Variants in RIT2 observed in about 807,000 individuals in gnomAD.
RIT2 encodes the protein Ras like without CAAX 2.
Under a neutral mutation model 23.7 loss-of-function variants are expected in RIT2, and 24 were observed. That is an observed-to-expected ratio of 1.01 (90% confidence interval 0.73 to 1.43). The LOEUF is 1.43. Ranked by LOEUF, RIT2 falls within the 40% of genes most tolerant of loss-of-function variation. The probability of loss-of-function intolerance (pLI) is 0.00; values close to 1 mark genes in which losing one functional copy is unlikely to be tolerated. For synonymous variants in RIT2, 107 were observed against 91.1 expected, an observed-to-expected ratio of 1.17 and a Z score of -0.99; for missense variants, 236 against 266.9, an observed-to-expected ratio of 0.88 and a Z score of 0.81.
At chr18:43,097,864 C>T (rs971856778) in intron 1 of RIT2, among the ~76,000 whole-genome samples, 3 of 151,850 alleles carry the variant, frequency 2.0e-5, no homozygotes, top group Non-Finnish European at 4.4e-5. Context: ...GGAAGACCAT[C>T]CATCACTTTC....
chr18:42,939,161 C>T (rs1218861944), intron 3 of RIT2, among the ~76,000 whole-genome samples: 2 of 152,108 alleles, frequency 1.3e-5, no homozygotes, highest in East Asian at 3.8e-4. Context: ...AAAATGAAAA[C>T]TGTCAAAAAA....
intron 4 of RIT2, among the ~76,000 whole-genome samples, chr18:42,845,155 G>T (rs1328017358): frequency 6.6e-6 from 1 of 151,908 alleles, no homozygotes; most frequent in Non-Finnish European, 1.5e-5. Flanking sequence ...GTAGTAATTG[G>T]CATATTGAAG....
chr18:42,766,856 A>T (rs1913434355), intron 4 of RIT2, among the ~76,000 whole-genome samples: 2 of 152,186 alleles, frequency 1.3e-5, no homozygotes, highest in African/African-American at 2.4e-5. Flanking sequence ...GGGCCAACTT[A>T]GATTTTGGCC....
chr18:42,849,830 G>A (rs1242605075), intron 4 of RIT2, among the ~76,000 whole-genome samples: 1 of 152,030 alleles, frequency 6.6e-6, no homozygotes, highest in African/African-American at 2.4e-5. Context: ...AAAACCCTAG[G>A]GAGCTGTGCT....
At chr18:42,878,740 T>C (rs1907810657) in intron 4 of RIT2, among the ~76,000 whole-genome samples, 1 of 152,078 alleles carries the variant, frequency 6.6e-6, no homozygotes, top group Non-Finnish European at 1.5e-5. Flanking sequence ...CTACAAACCA[T>C]ACTTACATTG....
At chr18:42,942,768 T>C (rs1367436756) in intron 3 of RIT2, among the ~76,000 whole-genome samples, 2 of 152,038 alleles carry the variant, frequency 1.3e-5, no homozygotes, top group African/African-American at 4.8e-5. Context: ...GCTGTCAGGA[T>C]AGGAAAAGGA....
At chr18:42,766,895 C>T (rs954551613) in intron 4 of RIT2, among the ~76,000 whole-genome samples, 2 of 152,206 alleles carry the variant, frequency 1.3e-5, no homozygotes, top group Non-Finnish European at 2.9e-5. Context: ...AAGCCCTGGG[C>T]TTTTGCAGGC....
intron 1 of RIT2, among the ~76,000 whole-genome samples, chr18:43,107,885 C>T (rs1913862019): frequency 1.3e-5 from 2 of 151,866 alleles, no homozygotes; most frequent in Non-Finnish European, 1.5e-5. Context: ...AAAATGTGGC[C>T]GGGTGCAGTG....
chr18:42,878,003 A>T (rs1907788814), intron 4 of RIT2, among the ~76,000 whole-genome samples: 2 of 151,806 alleles, frequency 1.3e-5, no homozygotes, highest in South Asian at 4.1e-4. Flanking sequence ...CAAATTTTTC[A>T]AATTTCAAAA....
At chr18:43,098,584 G>T (rs1186882495) in intron 1 of RIT2, among the ~76,000 whole-genome samples, 1 of 151,900 alleles carries the variant, frequency 6.6e-6, no homozygotes, top group Non-Finnish European at 1.5e-5. Context: ...AGGGTTTTTT[G>T]TAACGACATA....
chr18:42,780,261 G>T (rs927744332), intron 4 of RIT2, among the ~76,000 whole-genome samples: 1 of 151,852 alleles, frequency 6.6e-6, no homozygotes. Context: ...TGGAAGCAGG[G>T]GGTTTCCAGC....
At chr18:42,893,225 CAAAAAAA>C (rs57140473) in intron 4 of RIT2, among the ~76,000 whole-genome samples, 1 of 112,316 alleles carries the variant, frequency 8.9e-6, no homozygotes. Flanking sequence ...GACTCCGTCT[CAAAAAAA>C]AAAAAAAAAA....
At chr18:43,011,555 A>G (rs1330206400) in intron 2 of RIT2, among the ~76,000 whole-genome samples, 1 of 151,824 alleles carries the variant, frequency 6.6e-6, no homozygotes, top group African/African-American at 2.4e-5. Flanking sequence ...AAATTATTAA[A>G]TTCTTAAAAT....
At chr18:43,098,629 C>T (rs370142833) in intron 1 of RIT2, among the ~76,000 whole-genome samples, 179 of 152,030 alleles carry the variant, frequency 1.2e-3, no homozygotes, top group Non-Finnish European at 1.2e-3. Flanking sequence ...ATAACAACCA[C>T]GACAACAATA....
intron 2 of RIT2, among the ~76,000 whole-genome samples, chr18:43,023,113 C>T (rs959535817): frequency 6.6e-6 from 1 of 152,020 alleles, no homozygotes; most frequent in African/African-American, 2.4e-5. Flanking sequence ...CAATACCAAA[C>T]AGGCAAGTCA....
chr18:43,031,806 A>G (rs781230393), intron 2 of RIT2, among the ~76,000 whole-genome samples: 44 of 152,208 alleles, frequency 2.9e-4, no homozygotes, highest in Non-Finnish European at 5.3e-4. Flanking sequence ...GGATTGAAAA[A>G]TATTTATTTC....
chr18:42,946,208 A>G (rs529766656), intron 3 of RIT2, among the ~76,000 whole-genome samples: 1 of 152,220 alleles, frequency 6.6e-6, no homozygotes, highest in African/African-American at 2.4e-5. Context: ...AAAAAGTTGC[A>G]CTTGTAATAA....
At chr18:43,108,404 G>A (rs1913879009) in intron 1 of RIT2, among the ~76,000 whole-genome samples, 1 of 151,956 alleles carries the variant, frequency 6.6e-6, no homozygotes. Context: ...AACGCAGACA[G>A]TAAAGCCTTC....
At chr18:42,916,837 A>C (rs1055883165) in intron 4 of RIT2, among the ~76,000 whole-genome samples, 1 of 152,128 alleles carries the variant, frequency 6.6e-6, no homozygotes, top group Admixed American at 6.6e-5. Context: ...GAAGCGCAAG[A>C]TGTTTATTAG....
Sources: allele counts gnomAD v4.1 joint callset (sites outside exome capture counted in the v4.1 genomes callset), GRCh38; gene constraint gnomAD v4.1.1; transcripts MANE v1.5; gene names NCBI Gene and HGNC (gene_info 2026-07-23, HGNC 2026-07-21).